USP6NL: variants seen among roughly 807,000 people sequenced by gnomAD.
USP6NL encodes USP6 N-terminal-like protein.
In USP6NL, 26 loss-of-function variants were observed where a neutral mutation model predicts 61.9. The observed-to-expected ratio is 0.42, with a 90% CI of 0.31 to 0.58. USP6NL has a LOEUF of 0.58. Ranked by LOEUF, USP6NL falls within the 20% of genes least tolerant of loss-of-function variation. USP6NL has a pLI of 0.16. For synonymous variants in USP6NL, 432 were observed against 390.1 expected, an observed-to-expected ratio of 1.11 and a Z score of -1.27; for missense variants, 1,114 against 1,034.3, an observed-to-expected ratio of 1.08 and a Z score of -1.06.
intron 13 of USP6NL, among the ~76,000 whole-genome samples, chr10:11,483,542 G>A (rs1280909826): frequency 3.9e-4 from 27 of 69,134 alleles, no homozygotes; most frequent in Non-Finnish European, 6.6e-4. Context: ...GAGGGAGAGA[G>A]AGAGGGAGGG....
rs776566130 is a variant in USP6NL, at chr10:11,597,209, T to A, written c.4+422A>T. On this transcript the variant is annotated intron_variant, in intron 2 of 14. Transcript: ENST00000609104. This position sits in a 1 kb window ranked among gnomAD's most constrained non-coding sequence, Gnocchi z 4.6. ...TTGGTTCTTTGTTCTATCAGAGACA[T>A]TGATAGATTGTTAGGGGTTTTTTTT... is the stretch of plus-strand genomic sequence containing the variant. 3.0e-4 allele frequency among the ~76,000 whole-genome samples: 45 copies of A among 152,214 alleles called. No homozygotes were observed. Among genetic ancestry groups the A allele is most frequent in the Non-Finnish European group, 3.1e-4 (21 of 68,032 alleles).
rs868012652 is a variant in USP6NL, at chr10:11,587,149, A to G, written c.4+10482T>C. Among the ~76,000 whole-genome samples, 2 of 152,160 alleles carry G rather than the reference A, an allele frequency of 1.3e-5. No individual in the cohort carries two copies. Among genetic ancestry groups the G allele is most frequent in the Non-Finnish European group, 2.9e-5 (2 of 68,030 alleles). On this transcript the variant is annotated intron_variant, in intron 2 of 14. Coordinates refer to ENST00000609104, the MANE Select transcript of USP6NL (RefSeq NM_014688.5). This position sits in a 1 kb window ranked among gnomAD's most constrained non-coding sequence, Gnocchi z 4.5. The stretch of plus-strand genomic sequence containing the variant: ...CTTGTTCTTGGCTGTATCATCTAAG[A>G]CCACCACAGAAACAGTACATATGTA...
chr10:11,501,184 T>A lies in USP6NL; in HGVS notation c.301A>T (p.Ile101Leu). The change falls in exon 7 of 15, where the codon ATA becomes TTA. Residue 101 changes from isoleucine (I) to leucine (L), a missense_variant. Coordinates refer to ENST00000609104, the MANE Select transcript of USP6NL (RefSeq NM_014688.5). ...EKFHRRIYKGIPLQLRGEVWA... is the reference protein window; with the variant it reads ...EKFHRRIYKGLPLQLRGEVWA... ...ACTTCACCTCTGAGCTGGAGTGGTA[T>A]TCCTTTGTAAATTCGCCTATGAAAC... 6.2e-7 allele frequency: 1 copy of A among 1,611,062 alleles called. No individual in the cohort carries two copies. Among genetic ancestry groups the A allele is most frequent in the Non-Finnish European group, 8.5e-7 (1 of 1,179,142 alleles).
chr10:11,463,312 G>C lies in USP6NL; in HGVS notation c.1616C>G (p.Ala539Gly). The change falls in exon 15 of 15, where the codon GCT becomes GGT. Residue 539 changes from alanine to glycine, a missense_variant. Coordinates refer to ENST00000609104, the MANE Select transcript of USP6NL (RefSeq NM_014688.5). The surrounding 1 kb of genome is among the most constrained non-coding windows in gnomAD (Gnocchi z 6.3). ...AGTGGAGCCCCGCTTCCCGTCCTCAGCATCCAGGGCCTTCATCTTTGGCCG... is the reference window on the plus strand; with the variant it reads ...AGTGGAGCCCCGCTTCCCGTCCTCACCATCCAGGGCCTTCATCTTTGGCCG... ...NVRPKMKALDAEDGKRGSTAS... is the reference protein window; with the variant it reads ...NVRPKMKALDGEDGKRGSTAS... The C allele has an allele frequency of 6.2e-7, 1 of 1,613,904 alleles. No individual in the cohort carries two copies. The highest frequency in any genetic ancestry group is 8.5e-7 in the Non-Finnish European group (1 of 1,179,888).
At chr10:11,547,700 C>A (rs1346466030) in intron 2 of USP6NL, among the ~76,000 whole-genome samples, 1 of 152,086 alleles carries the variant, frequency 6.6e-6, no homozygotes, top group South Asian at 2.1e-4. Context: ...GCCATCACGC[C>A]CAGCTAATTT....
intron 2 of USP6NL, among the ~76,000 whole-genome samples, chr10:11,544,692 T>C (rs1836207996): frequency 1.3e-5 from 2 of 152,100 alleles, no homozygotes; most frequent in South Asian, 2.1e-4. Flanking sequence ...TTTTGCCCCG[T>C]TGGGCAGGCT....
intron 14 of USP6NL, among the ~76,000 whole-genome samples, chr10:11,469,019 GTCTC>G (rs980387475): frequency 2.3e-4 from 35 of 152,216 alleles, no homozygotes; most frequent in Middle Eastern, 3.4e-3. Context: ...ACACAGAAAT[GTCTC>G]TCTCTAAGGA....
rs375781472 is a variant in USP6NL at position 11,462,432 on chromosome 10, C to A, written c.*9G>T. 5.0e-6 allele frequency: 8 copies of A among 1,610,126 alleles called. No homozygotes were observed. In the Admixed American group the frequency reaches 1.2e-4, roughly 24 times the overall value. On this transcript the variant is annotated 3_prime_UTR_variant, in exon 15 of 15. Coordinates refer to ENST00000609104, the MANE Select transcript of USP6NL (RefSeq NM_014688.5). ...TTCTCTCTCGTCTTTAGCAAGTACA[C>A]GTCAAATCTCACAGCAACACTGACT...
intron 2 of USP6NL, among the ~76,000 whole-genome samples, chr10:11,572,227 T>C (rs1837390203): frequency 6.6e-6 from 1 of 152,064 alleles, no homozygotes; most frequent in Non-Finnish European, 1.5e-5. Flanking sequence ...TGGGATTAAA[T>C]TAACTAATTT....
At position 11,511,047 on chromosome 10, in the gene USP6NL, T is replaced by C. The variant is rs550271538; in HGVS notation, c.196-1372A>G. 6.6e-6 allele frequency among the ~76,000 whole-genome samples: 1 copy of C among 152,338 alleles called. No individual in the cohort carries two copies. The highest frequency in any genetic ancestry group is 1.9e-4 in the East Asian group (1 of 5,190). ...GGCATATATGCCTCACCACCACTAT[T>C]TTTAGACCTAAAAGTACATAAAATT... On this transcript the variant is annotated intron_variant, in intron 5 of 14. Transcript: ENST00000609104. The surrounding 1 kb of genome is among the most constrained non-coding windows in gnomAD (Gnocchi z 4.9).
intron 14 of USP6NL, among the ~76,000 whole-genome samples, chr10:11,471,046 G>A (rs536232730): frequency 1.9e-4 from 29 of 152,308 alleles, no homozygotes; most frequent in African/African-American, 5.8e-4. Context: ...TTAGCTGGGC[G>A]TGGTGGCAGG....
At chr10:11,541,011 T>G (rs1836025654) in intron 2 of USP6NL, among the ~76,000 whole-genome samples, 1 of 136,146 alleles carries the variant, frequency 7.3e-6, no homozygotes, top group Non-Finnish European at 1.7e-5. Context: ...TAAGGTACCC[T>G]AAGCTCCAAG....
intron 8 of USP6NL, 102 bp downstream of exon 8, chr10:11,493,017 G>A (rs1363984959): frequency 1.1e-6 from 1 of 948,434 alleles, no homozygotes; most frequent in Non-Finnish European, 1.6e-6. Context: ...AAACCTTTAG[G>A]ACCTAAATCG....
rs1221593661 is a variant in USP6NL at position 11,491,884 on chromosome 10, T to C, written c.495-1004A>G. On this transcript the variant is annotated intron_variant, in intron 8 of 14. Transcript: ENST00000609104. This position sits in a 1 kb window ranked among gnomAD's most constrained non-coding sequence, Gnocchi z 4.7. The stretch of plus-strand genomic sequence containing the variant: ...GAATGGGCAGTGAAACGTGGCATTA[T>C]AAACACCACCTGTGACCACATGACC... 1.3e-5 allele frequency among the ~76,000 whole-genome samples: 2 copies of C among 152,236 alleles called. No homozygotes were observed. Among genetic ancestry groups the C allele is most frequent in the African/African-American group, 4.8e-5 (2 of 41,460 alleles).
chr10:11,491,373 G>A lies in USP6NL; in HGVS notation c.495-493C>T, dbSNP rs572394118. On this transcript the variant is annotated intron_variant, in intron 8 of 14. Coordinates refer to ENST00000609104, the MANE Select transcript of USP6NL (RefSeq NM_014688.5). The surrounding 1 kb of genome is among the most constrained non-coding windows in gnomAD (Gnocchi z 4.7). The stretch of plus-strand genomic sequence containing the variant: ...GATTCAAAGGCTGCAAGTAGGAGTG[G>A]CTCCACTCATCATTCTCTCTAGAGA... Among the ~76,000 whole-genome samples, 1 of 152,190 alleles carries A rather than the reference G, an allele frequency of 6.6e-6. No homozygotes were observed. The highest frequency in any genetic ancestry group is 6.5e-5 in the Admixed American group (1 of 15,284).
At position 11,496,080 on chromosome 10, in the gene USP6NL, A is replaced by AC. The variant is rs779696240; in HGVS notation, c.385-2853dup. ...GAGGTGAGTTGAGGAAAAAGGCTGG[A>AC]CTGTCCAAAATTTAAACTACTCAAC... On this transcript the variant is annotated intron_variant, in intron 7 of 14. Transcript: ENST00000609104. The surrounding 1 kb of genome is among the most constrained non-coding windows in gnomAD (Gnocchi z 5.4). Among the ~76,000 whole-genome samples, 21 of 152,186 alleles carry AC rather than the reference A, an allele frequency of 1.4e-4. No individual in the cohort carries two copies. The highest frequency in any genetic ancestry group is 1.5e-4 in the Non-Finnish European group (10 of 68,038).
At chr10:11,483,353 G>C (rs890044983) in intron 13 of USP6NL, among the ~76,000 whole-genome samples, 2 of 151,096 alleles carry the variant, frequency 1.3e-5, no homozygotes, top group African/African-American at 4.9e-5. Context: ...AACAATTTAA[G>C]AAGCAGATGA....
At chr10:11,572,880 T>C (rs531604023) in intron 2 of USP6NL, among the ~76,000 whole-genome samples, 2 of 152,150 alleles carry the variant, frequency 1.3e-5, no homozygotes, top group South Asian at 2.1e-4. Flanking sequence ...CATTTTAGAA[T>C]TGTACTATTT....
At position 11,518,931 on chromosome 10, in the gene USP6NL, T is replaced by C. The variant is rs951966707; in HGVS notation, c.156-357A>G. Among the ~76,000 whole-genome samples, 25 of 152,240 alleles carry C rather than the reference T, an allele frequency of 1.6e-4. No individual in the cohort carries two copies. The highest frequency in any genetic ancestry group is 1.4e-3 in the Admixed American group (21 of 15,282). On this transcript the variant is annotated intron_variant, in intron 4 of 14. Coordinates refer to ENST00000609104, the MANE Select transcript of USP6NL (RefSeq NM_014688.5). The surrounding 1 kb of genome is among the most constrained non-coding windows in gnomAD (Gnocchi z 5.3). ...GCCACCATATTGAACGGTACAGATA[T>C]AGAACATTTCCATCACTGCAGAAAG... is the stretch of plus-strand genomic sequence containing the variant.
Sources: gnomAD v4.1 joint callset for allele counts (sites outside exome capture counted in the v4.1 genomes callset) on GRCh38, gnomAD v4.1.1 for gene constraint, Gnocchi (gnomAD v3.1) non-coding constraint, MANE v1.5 for transcripts, NCBI Gene and HGNC (gene_info 2026-07-23, HGNC 2026-07-21) for gene names.